Variants in PDZRN3 observed in about 807,000 individuals in gnomAD.
The protein encoded by PDZRN3 is E3 ubiquitin-protein ligase PDZRN3.
A neutral mutation model predicts 85.7 loss-of-function variants in PDZRN3; 38 were observed. The observed-to-expected ratio is 0.44, with a 90% CI of 0.34 to 0.58. The LOEUF (loss-of-function observed/expected upper bound fraction) is 0.58, where lower values mean the gene tolerates loss of function less well. Ranked by LOEUF, PDZRN3 falls within the 20% of genes least tolerant of loss-of-function variation. The pLI is 0.01. For missense variants in PDZRN3, 1,629 were observed against 1,506.4 expected (o/e 1.08, Z -1.35); for synonymous variants, 759 against 638.0 (o/e 1.19, Z -2.86).
chr3:73,540,629 A>C (rs1054207894), intron 3 of PDZRN3, among the ~76,000 whole-genome samples: 8 of 152,152 alleles, frequency 5.3e-5, no homozygotes, highest in Admixed American at 4.6e-4. Flanking sequence ...TTTGCTCAGC[A>C]CTTCTCCTTC....
intron 3 of PDZRN3, among the ~76,000 whole-genome samples, chr3:73,473,950 G>A (rs1169260758): frequency 6.6e-6 from 1 of 152,210 alleles, no homozygotes; most frequent in African/African-American, 2.4e-5. Context: ...TGCTGTTTAA[G>A]TCACTAGGTG....
chr3:73,515,295 C>T (rs547500268), intron 3 of PDZRN3, among the ~76,000 whole-genome samples: 10 of 151,974 alleles, frequency 6.6e-5, no homozygotes, highest in African/African-American at 2.4e-4. Context: ...CCTGCCTCAG[C>T]CTCCGAAGTA....
chr3:73,426,767 C>G (rs898754241), intron 3 of PDZRN3, among the ~76,000 whole-genome samples: 1 of 152,136 alleles, frequency 6.6e-6, no homozygotes, highest in South Asian at 2.1e-4. Flanking sequence ...CCCACCCCAG[C>G]GTTTCTGATT....
At position 73,513,929 on chromosome 3, in the gene PDZRN3, GTCCT is replaced by G. The variant is rs1235915292; in HGVS notation, c.918+88421_918+88424del. 6.6e-5 allele frequency among the ~76,000 whole-genome samples: 10 copies of G among 152,318 alleles called. No homozygotes were observed. The East Asian group carries it at 1.5e-3, about 23-fold the overall frequency. Reference sequence around the variant, plus strand: ...TTGTTTCTATATACAAGGTTTCTATGTCCTTCTAGTTGGTACATTCACAGATAGG... The same window carrying G: ...TTGTTTCTATATACAAGGTTTCTATGTCTAGTTGGTACATTCACAGATAGG... On this transcript the variant is annotated intron_variant, in intron 3 of 9. Transcript: ENST00000263666.
chr3:73,396,422 A>T (rs1423602725), intron 5 of PDZRN3, among the ~76,000 whole-genome samples: 1 of 152,152 alleles, frequency 6.6e-6, no homozygotes, highest in Non-Finnish European at 1.5e-5. Context: ...CAGGAAAAGT[A>T]ATGAGGAAGC....
intron 3 of PDZRN3, among the ~76,000 whole-genome samples, chr3:73,448,060 GT>G (rs1436798311): frequency 6.6e-6 from 1 of 152,164 alleles, no homozygotes; most frequent in East Asian, 1.9e-4. Context: ...GCCAGTGGGA[GT>G]TCAACCTATT....
chr3:73,403,644 C>T (rs903974636), intron 4 of PDZRN3, among the ~76,000 whole-genome samples: 3 of 152,108 alleles, frequency 2.0e-5, no homozygotes, highest in Non-Finnish European at 2.9e-5. Context: ...ATCCATGTGG[C>T]GTGCTGAGTT....
At chr3:73,494,256 A>G (rs1034913459) in intron 3 of PDZRN3, among the ~76,000 whole-genome samples, 2 of 152,226 alleles carry the variant, frequency 1.3e-5, no homozygotes, top group Admixed American at 6.5e-5. Context: ...TCAGAATCAG[A>G]GAATTAAGAA....
In PDZRN3 at chr3:73,554,311, TAAG is replaced by T. The variant is rs536814786; in HGVS notation, c.918+48040_918+48042del. 2.6e-3 allele frequency among the ~76,000 whole-genome samples: 387 copies of T among 151,124 alleles called. 4 individuals carry two copies. The highest frequency in any genetic ancestry group is 6.8e-3 in the Middle Eastern group (2 of 294). On this transcript the variant is annotated intron_variant, in intron 3 of 9. Transcript: ENST00000263666. ...ATTTTACTCAAATATAAAAAGAGAA[TAAG>T]AAGGTATATAAGAATATCTCACAGG...
intron 3 of PDZRN3, among the ~76,000 whole-genome samples, chr3:73,505,267 T>C (rs1035946017): frequency 1.3e-5 from 2 of 152,224 alleles, no homozygotes; most frequent in African/African-American, 2.4e-5. Context: ...TACCCTCTGA[T>C]TGAGCCCTTT....
chr3:73,580,879 A>G (rs180953573), intron 3 of PDZRN3, among the ~76,000 whole-genome samples: 28 of 152,294 alleles, frequency 1.8e-4, no homozygotes, highest in Admixed American at 1.1e-3. Flanking sequence ...TGTGGCTTCA[A>G]TTGCGTCTTG....
At chr3:73,441,230 T>C (rs918544990) in intron 3 of PDZRN3, among the ~76,000 whole-genome samples, 8 of 151,794 alleles carry the variant, frequency 5.3e-5, no homozygotes, top group African/African-American at 1.5e-4. Context: ...CTGGCCAACA[T>C]GGTGAAACCT....
intron 3 of PDZRN3, among the ~76,000 whole-genome samples, chr3:73,584,661 A>ATG (rs1225515723): frequency 6.6e-6 from 1 of 152,190 alleles, no homozygotes; most frequent in African/African-American, 2.4e-5. Flanking sequence ...TAGTATTACT[A>ATG]TGGTATGTCC....
chr3:73,608,603 T>A lies in PDZRN3; in HGVS notation c.805A>T (p.Ser269Cys), dbSNP rs1219036772. Residue 269 changes from serine to cysteine, a missense_variant, in exon 2 of 10, where the codon AGT becomes TGT. By Grantham distance (112) the Ser-to-Cys change is moderately radical. Transcript: ENST00000263666. ...CATTTTAGTAATTAACATACCACAC[T>A]CGGCCGGCCACCAATAATATTGAAT... ...LGFNIIGGRP[S>C]VDNHDGSSSE... is the part of the protein sequence containing the mutation. 1 of 1,605,414 alleles carries A rather than the reference T, an allele frequency of 6.2e-7. No individual in the cohort carries two copies. Among genetic ancestry groups the A allele is most frequent in the Non-Finnish European group, 8.5e-7 (1 of 1,172,652 alleles).
chr3:73,441,196 C>T (rs1304912790), intron 3 of PDZRN3, among the ~76,000 whole-genome samples: 1 of 152,082 alleles, frequency 6.6e-6, no homozygotes, highest in African/African-American at 2.4e-5. Flanking sequence ...GGGCAGATCA[C>T]GAGCTGGGCA....
At chr3:73,611,533 T>C (rs898840195) in intron 1 of PDZRN3, among the ~76,000 whole-genome samples, 1 of 152,334 alleles carries the variant, frequency 6.6e-6, no homozygotes, top group Non-Finnish European at 1.5e-5. Flanking sequence ...GTGTCAGACA[T>C]TGGCTTTAGG....
In PDZRN3 at chr3:73,624,109, G is replaced by T; in HGVS notation, c.717C>A (p.Gly239=). 4 of 1,458,632 alleles carry T rather than the reference G, an allele frequency of 2.7e-6. No individual in the cohort carries two copies. Among genetic ancestry groups the T allele is most frequent in the Non-Finnish European group, 3.6e-6 (4 of 1,113,742 alleles). The allele number at this position is 1,458,632 out of a possible 1,614,324, so 90.4% of individuals were successfully genotyped here. A position where few individuals can be genotyped will look rare whatever the true frequency, so the allele number is the denominator to read the frequency against. The change falls in exon 1 of 10, where the codon GGC becomes GGA. Residue 239 remains glycine (G), a synonymous_variant. Transcript: ENST00000263666. ...SLSRCVAAPP[G]GKGEETKSLT... ...GCGGGCAGCAGGCGCCTACCTTGCC[G>T]CCGGGCGGCGCGGCCACGCAGCGGC...
chr3:73,609,455 A>G (rs1316842484), intron 1 of PDZRN3, among the ~76,000 whole-genome samples: 2 of 152,230 alleles, frequency 1.3e-5, no homozygotes, highest in Non-Finnish European at 2.9e-5. Context: ...GACAGCAGAC[A>G]GATAAAAATA....
chr3:73,579,647 T>C (rs1702170139), intron 3 of PDZRN3, among the ~76,000 whole-genome samples: 1 of 152,208 alleles, frequency 6.6e-6, no homozygotes. Flanking sequence ...AGAGCTTTTC[T>C]GAATGTGGCA....
Sources: gnomAD v4.1 joint callset for allele counts (sites outside exome capture counted in the v4.1 genomes callset) on GRCh38, gnomAD v4.1.1 for gene constraint, MANE v1.5 for transcripts, NCBI Gene and HGNC (gene_info 2026-07-23, HGNC 2026-07-21) for gene names.